The following QTMAN variants were observed in gnomAD, a reference collection of about 807,000 sequenced individuals.
QTMAN encodes the protein tRNA-queuosine alpha-mannosyltransferase.
chr2:144,079,835 T>C, the QTMAN span, among the ~76,000 whole-genome samples: 3 of 152,152 alleles, frequency 2.0e-5, no homozygotes, highest in Admixed American at 2.0e-4. Flanking sequence ...AGCAGTACTC[T>C]TATTGGATGA....
the QTMAN span, among the ~76,000 whole-genome samples, chr2:144,302,078 T>A: frequency 1.3e-5 from 2 of 152,048 alleles, no homozygotes; most frequent in African/African-American, 4.8e-5. Context: ...CTGAGAACCT[T>A]AAGGGGCCAC....
the QTMAN span, among the ~76,000 whole-genome samples, chr2:144,089,847 C>G: frequency 6.6e-6 from 1 of 151,700 alleles, no homozygotes; most frequent in African/African-American, 2.4e-5. Flanking sequence ...GGAATAAATT[C>G]AATGTTTGAA....
At chr2:144,094,733 G>T in the QTMAN span, among the ~76,000 whole-genome samples, 9 of 152,128 alleles carry the variant, frequency 5.9e-5, no homozygotes, top group East Asian at 1.7e-3. Context: ...ATTTGGGTGG[G>T]GACACACAGC....
At chr2:144,089,085 G>A in the QTMAN span, among the ~76,000 whole-genome samples, 1 of 151,894 alleles carries the variant, frequency 6.6e-6, no homozygotes, top group South Asian at 2.1e-4. Flanking sequence ...CTAATATCCA[G>A]AATATACAAG....
the QTMAN span, among the ~76,000 whole-genome samples, chr2:144,259,590 A>C: frequency 6.6e-6 from 1 of 152,198 alleles, no homozygotes; most frequent in Non-Finnish European, 1.5e-5. Context: ...GCTATTCAGG[A>C]ACAAATAATC....
the QTMAN span, among the ~76,000 whole-genome samples, chr2:144,026,491 C>A: frequency 1.3e-5 from 2 of 152,042 alleles, no homozygotes; most frequent in African/African-American, 4.8e-5. Context: ...AATAAAGTAT[C>A]ACAAATTTCA....
chr2:144,124,308 T>C, the QTMAN span, among the ~76,000 whole-genome samples: 11 of 152,292 alleles, frequency 7.2e-5, no homozygotes, highest in South Asian at 2.3e-3. Flanking sequence ...GGTGTCATCA[T>C]TCATTTGAAA....
chr2:144,255,935 G>A, the QTMAN span, among the ~76,000 whole-genome samples: 2 of 152,196 alleles, frequency 1.3e-5, no homozygotes, highest in East Asian at 3.8e-4. Context: ...TTGGGGGAAG[G>A]CTGAAGGGGA....
At chr2:144,152,128 T>G in the QTMAN span, among the ~76,000 whole-genome samples, 463 of 152,298 alleles carry the variant, frequency 3.0e-3, 2 homozygotes, top group African/African-American at 0.011. Flanking sequence ...TTTTACTTTC[T>G]TCCATCATGT....
chr2:144,306,927 T>C, the QTMAN span, among the ~76,000 whole-genome samples: 6 of 151,976 alleles, frequency 3.9e-5, no homozygotes, highest in African/African-American at 1.2e-4. Context: ...TTTGGGAGGC[T>C]GAGGCGGGTG....
At chr2:144,036,144 AG>A in the QTMAN span, among the ~76,000 whole-genome samples, 1 of 152,242 alleles carries the variant, frequency 6.6e-6, no homozygotes, top group Non-Finnish European at 1.5e-5. Flanking sequence ...TGAGAAAAAT[AG>A]TTCCAAATGT....
chr2:144,116,350 G>A, the QTMAN span, among the ~76,000 whole-genome samples: 1 of 150,734 alleles, frequency 6.6e-6, no homozygotes, highest in African/African-American at 2.4e-5. Context: ...GTGTGTGCAT[G>A]TGTGTGTGTG....
At chr2:144,305,090 A>C in the QTMAN span, among the ~76,000 whole-genome samples, 19 of 152,312 alleles carry the variant, frequency 1.2e-4, no homozygotes, top group Admixed American at 8.5e-4. Context: ...TTTAAAGTAT[A>C]AAGTTTTTAA....
chr2:144,043,005 G>T, the QTMAN span, among the ~76,000 whole-genome samples: 1 of 152,050 alleles, frequency 6.6e-6, no homozygotes, highest in Non-Finnish European at 1.5e-5. Context: ...GCTAATTTGG[G>T]TTATCAGCTT....
the QTMAN span, among the ~76,000 whole-genome samples, chr2:144,055,352 C>CACACACAT: frequency 6.6e-6 from 1 of 151,402 alleles, no homozygotes; most frequent in South Asian, 2.1e-4. Flanking sequence ...CACACACACA[C>CACACACAT]ACACACACAC....
the QTMAN span, among the ~76,000 whole-genome samples, chr2:144,103,452 G>A: frequency 6.6e-6 from 1 of 152,116 alleles, no homozygotes; most frequent in Non-Finnish European, 1.5e-5. Context: ...AACATCTGAG[G>A]TGCAGCAAGA....
At chr2:144,188,765 A>G in the QTMAN span, among the ~76,000 whole-genome samples, 1 of 93,282 alleles carries the variant, frequency 1.1e-5, no homozygotes, top group Non-Finnish European at 2.3e-5. Flanking sequence ...AAATAAGTAT[A>G]AAATAGCATT....
At chr2:144,267,118 G>A in the QTMAN span, among the ~76,000 whole-genome samples, 1 of 152,150 alleles carries the variant, frequency 6.6e-6, no homozygotes, top group African/African-American at 2.4e-5. Context: ...TAAGATGAAA[G>A]TGCAGGACTA....
the QTMAN span, among the ~76,000 whole-genome samples, chr2:144,144,529 T>C: frequency 6.6e-6 from 1 of 151,976 alleles, no homozygotes; most frequent in Admixed American, 6.6e-5. Flanking sequence ...TTTTAAAACA[T>C]ATTTTCCTTC....
Sources: allele counts gnomAD v4.1 joint callset (sites outside exome capture counted in the v4.1 genomes callset), GRCh38; gene constraint gnomAD v4.1.1; transcripts MANE v1.5; gene names NCBI Gene and HGNC (gene_info 2026-07-23, HGNC 2026-07-21).